SHLD2: variants seen among roughly 807,000 people sequenced by gnomAD.
SHLD2 encodes the protein shieldin complex subunit 2.
SHLD2 carries 30 observed loss-of-function variants against 73.2 expected under a neutral mutation model. That is an observed-to-expected ratio of 0.41 (90% CI 0.31 to 0.56). The LOEUF is 0.56. SHLD2 is among the 20% of genes least tolerant of loss of function. The pLI is 0.28. For missense variants in SHLD2, 745 were observed against 1,055.9 expected, an observed-to-expected ratio of 0.71 and a Z score of 4.08; for synonymous variants, 285 against 370.1, an observed-to-expected ratio of 0.77 and a Z score of 2.64.
At chr10:87,158,186 T>C (rs776168090) in intron 4 of SHLD2, 31 bp downstream of exon 4, 3 of 1,599,508 alleles carry the variant, frequency 1.9e-6, no homozygotes, top group Non-Finnish European at 2.6e-6. Flanking sequence ...AGTAATGTAG[T>C]AGTGTTTAAA....
intron 2 of SHLD2, chr10:87,115,511 G>GATA (rs1374806247): frequency 5.6e-5 from 5 of 89,366 alleles, no homozygotes; most frequent in Admixed American, 1.2e-4. Context: ...TTTGAATAAT[G>GATA]ATAAGCACGT....
At chr10:87,172,368 C>A (rs1564611131) in intron 6 of SHLD2, among the ~76,000 whole-genome samples, 1 of 152,058 alleles carries the variant, frequency 6.6e-6, no homozygotes, top group African/African-American at 2.4e-5. Flanking sequence ...ATTCAAAAAA[C>A]TGTGATCAGG....
chr10:87,150,385 T>G (rs1486714406), intron 2 of SHLD2, among the ~76,000 whole-genome samples: 1 of 151,950 alleles, frequency 6.6e-6, no homozygotes, highest in Non-Finnish European at 1.5e-5. Flanking sequence ...AATTTAAAGG[T>G]GACTGTAATA....
chr10:87,136,587 T>C (rs1450299034), intron 2 of SHLD2, among the ~76,000 whole-genome samples: 1 of 152,190 alleles, frequency 6.6e-6, no homozygotes. Context: ...TGTATCCATC[T>C]GTATCTAATT....
chr10:87,125,035 G>C (rs952988483), intron 2 of SHLD2, among the ~76,000 whole-genome samples: 3 of 152,174 alleles, frequency 2.0e-5, no homozygotes, highest in Non-Finnish European at 4.4e-5. Flanking sequence ...GAGCCACCAT[G>C]CCTGTCCTAT....
At chr10:87,188,188 C>T (rs892840819) in intron 9 of SHLD2, among the ~76,000 whole-genome samples, 29 of 152,154 alleles carry the variant, frequency 1.9e-4, no homozygotes, top group Middle Eastern at 3.2e-3. Flanking sequence ...TTGAATATGG[C>T]GCTTTCTTGG....
At position 87,152,139 on chromosome 10, in the gene SHLD2, G is replaced by A. The variant is rs369449593; in HGVS notation, c.785G>A (p.Arg262Gln). 43 of 1,611,672 alleles carry A rather than the reference G, an allele frequency of 2.7e-5. No homozygotes were observed. The highest frequency in any genetic ancestry group is 2.4e-4 in the African/African-American group (18 of 74,858). ...AFLAQKKDKR[R>Q]SPVNKGNVNM... ...TTAGCTCAAAAGAAAGATAAAAGGC[G>A]GAGTCCTGTAAATAAAGGGAATGTA... is the stretch of plus-strand genomic sequence containing the variant. Residue 262 changes from arginine (R) to glutamine (Q), a missense_variant, in exon 3 of 10, where the codon CGG (arginine) becomes CAG (glutamine). By Grantham distance (43) the Arg-to-Gln change is conservative (BLOSUM62 1). Around this residue, in one of 5 missense-constraint regions of SHLD2, gnomAD observed 280 missense variants for 353.9 expected, o/e 0.79. Coordinates refer to ENST00000298786, the MANE Select transcript of SHLD2 (RefSeq NM_001330112.2).
chr10:87,162,436 G>A (rs1164262542), intron 4 of SHLD2, among the ~76,000 whole-genome samples: 2 of 152,156 alleles, frequency 1.3e-5, no homozygotes, highest in South Asian at 2.1e-4. Context: ...GTTCACACTG[G>A]TAATCATAGC....
intron 2 of SHLD2, among the ~76,000 whole-genome samples, chr10:87,113,110 G>A (rs1188663575): frequency 6.6e-6 from 1 of 152,168 alleles, no homozygotes; most frequent in Admixed American, 6.5e-5. Flanking sequence ...TGGATCACCT[G>A]AGGTTGGAAG....
rs193173236 is a variant in SHLD2 at position 87,182,015 on chromosome 10, G to A, written c.2399+1712G>A. Among the ~76,000 whole-genome samples, 605 of 152,200 alleles carry A rather than the reference G, an allele frequency of 4.0e-3. 3 individuals carry two copies. The highest frequency in any genetic ancestry group is 0.013 in the African/African-American group (553 of 41,532). ...ACTCCTGACCTCAGGTGATCCACCC[G>A]TCTCAGCCTCCCAAAGTGCTGGAAT... On this transcript the variant is annotated intron_variant, in intron 8 of 9. Transcript: ENST00000298786.
At chr10:87,134,518 A>G (rs7918465) in intron 2 of SHLD2, among the ~76,000 whole-genome samples, 9,182 of 152,210 alleles carry the variant, frequency 0.06, 548 homozygotes, top group African/African-American at 0.16. Flanking sequence ...GCAAGTATGC[A>G]CCCACACTCC....
intron 2 of SHLD2, among the ~76,000 whole-genome samples, chr10:87,124,438 A>C (rs1843840757): frequency 6.6e-6 from 1 of 152,120 alleles, no homozygotes; most frequent in Non-Finnish European, 1.5e-5. Context: ...TGGGATGCTG[A>C]GGCAGGAGGA....
intron 2 of SHLD2, among the ~76,000 whole-genome samples, chr10:87,133,349 G>GT (rs1460744518): frequency 3.3e-5 from 5 of 151,946 alleles, no homozygotes; most frequent in Admixed American, 6.6e-5. Context: ...ACGATTTACT[G>GT]TATCACTTCT....
At chr10:87,168,275 C>T (rs1387596614) in intron 4 of SHLD2, among the ~76,000 whole-genome samples, 1 of 152,056 alleles carries the variant, frequency 6.6e-6, no homozygotes, top group Non-Finnish European at 1.5e-5. Flanking sequence ...GGTACATATA[C>T]ACCATGGAAT....
At chr10:87,113,363 G>A (rs1423717325) in intron 2 of SHLD2, among the ~76,000 whole-genome samples, 2 of 152,126 alleles carry the variant, frequency 1.3e-5, no homozygotes, top group South Asian at 4.1e-4. Context: ...CCAGTATGTG[G>A]TCCATCCATA....
At chr10:87,111,531 C>G (rs1842919967) in intron 2 of SHLD2, among the ~76,000 whole-genome samples, 1 of 150,440 alleles carries the variant, frequency 6.6e-6, no homozygotes, top group Admixed American at 6.7e-5. Context: ...ATCTCAACTA[C>G]TTGAGAGGCT....
intron 2 of SHLD2, among the ~76,000 whole-genome samples, chr10:87,116,314 G>C (rs1843252436): frequency 6.6e-6 from 1 of 151,298 alleles, no homozygotes; most frequent in East Asian, 1.9e-4. Context: ...TTAGATGAGA[G>C]AGACTTCAGC....
chr10:87,135,759 C>T (rs1356054619), intron 2 of SHLD2, among the ~76,000 whole-genome samples: 2 of 151,518 alleles, frequency 1.3e-5, no homozygotes, highest in African/African-American at 4.9e-5. Context: ...CTTCAGCCTC[C>T]CAAGTAGTTG....
chr10:87,103,037 C>T (rs2133946851), intron 2 of SHLD2, among the ~76,000 whole-genome samples: 1 of 151,902 alleles, frequency 6.6e-6, no homozygotes, highest in Non-Finnish European at 1.5e-5. Context: ...TAGTGAAACC[C>T]CGTCTCTGCT....
Sources: allele counts gnomAD v4.1 joint callset (sites outside exome capture counted in the v4.1 genomes callset), GRCh38; gene constraint gnomAD v4.1.1; regional missense constraint gnomAD v4.1.1; transcripts MANE v1.5; gene names NCBI Gene and HGNC (gene_info 2026-07-23, HGNC 2026-07-21).